Variants in TRIM41 observed in about 807,000 individuals in gnomAD.
The protein encoded by TRIM41 is tripartite motif containing 41, also known as E3 ubiquitin-protein ligase TRIM41.
Under a neutral mutation model 60.6 loss-of-function variants are expected in TRIM41, and 21 were observed. The observed-to-expected ratio is 0.35, with a 90% CI of 0.25 to 0.50. TRIM41 has a LOEUF of 0.50. TRIM41 is among the 20% of genes least tolerant of loss of function. The probability of loss-of-function intolerance (pLI) is 0.98; values close to 1 mark genes in which losing one functional copy is unlikely to be tolerated. For synonymous variants in TRIM41, 407 were observed against 344.9 expected (o/e 1.18, Z -2.00); for missense variants, 846 against 868.3 (o/e 0.97, Z 0.32).
chr5:181,229,814 A>G (rs937813770), intron 1 of TRIM41: 2 of 152,272 alleles, frequency 1.3e-5, no homozygotes, highest in Non-Finnish European at 2.9e-5. Context: ...GAGCTGTTTT[A>G]AAGGAAGAAT....
chr5:181,233,003 T>C lies in TRIM41; in HGVS notation c.1140+114T>C, dbSNP rs1424271334. On this transcript the variant is annotated intron_variant, in intron 3 of 5. Coordinates refer to ENST00000315073, the MANE Select transcript of TRIM41 (RefSeq NM_033549.5). This position sits in a 1 kb window ranked among gnomAD's most constrained non-coding sequence, Gnocchi z 4.1. ...TCTCCCTGGGAGGAACCCACAGTGATTGAACCTGAAGACCAAAAACATGTT... is the reference window on the plus strand; with the variant it reads ...TCTCCCTGGGAGGAACCCACAGTGACTGAACCTGAAGACCAAAAACATGTT... 2 of 1,102,026 alleles carry C rather than the reference T, an allele frequency of 1.8e-6. No individual in the cohort carries two copies. The highest frequency in any genetic ancestry group is 2.7e-5 in the South Asian group (2 of 74,802). 68.3% of individuals were successfully genotyped at this position (1,102,026 alleles called of 1,614,324 possible).
intron 1 of TRIM41, chr5:181,228,563 A>AAAAGAAAAAAAG (rs1758652117): frequency 6.8e-6 from 1 of 146,410 alleles, no homozygotes; most frequent in African/African-American, 2.5e-5. Context: ...CATCTCAAAA[A>AAAAGAAAAAAAG]AAAAAAAAAA....
rs35032551 is a variant in TRIM41 at position 181,233,259 on chromosome 5, G to C, written c.1141-154G>C. 1.7e-5 allele frequency: 14 copies of C among 836,322 alleles called. No individual in the cohort carries two copies. The Admixed American group carries it at 2.4e-4, about 14-fold the overall frequency. 51.8% of individuals were successfully genotyped at this position (836,322 alleles called of 1,614,324 possible). A position where few individuals can be genotyped will look rare whatever the true frequency, so the allele number is the denominator to read the frequency against. Reference sequence around the variant, plus strand: ...TGGCGAGGCATGGGGTGGTTGAAATGGATGTGTGTTCATTGAGGGCCGTGA... The same window carrying C: ...TGGCGAGGCATGGGGTGGTTGAAATCGATGTGTGTTCATTGAGGGCCGTGA... On this transcript the variant is annotated intron_variant, in intron 3 of 5. Transcript: ENST00000315073. This position sits in a 1 kb window ranked among gnomAD's most constrained non-coding sequence, Gnocchi z 4.1.
rs1759034897 is a variant in TRIM41 at position 181,235,078 on chromosome 5, G to A, written c.*303G>A. 6.2e-7 allele frequency: 1 copy of A among 1,610,028 alleles called. No homozygotes were observed. Among genetic ancestry groups the A allele is most frequent in the Admixed American group, 1.7e-5 (1 of 59,554 alleles). On this transcript the variant is annotated 3_prime_UTR_variant, in exon 6 of 6. Transcript: ENST00000315073. ...TAGCCCAGCCCTGGGACTGGAATTT[G>A]AGTAGGGGATGAGGGGAAATTGTAA...
intron 1 of TRIM41, chr5:181,225,393 A>C (rs1758503921): frequency 6.2e-6 from 1 of 162,588 alleles, no homozygotes. Context: ...TTGCATTGTC[A>C]AATCTTGATT....
rs755074419 is a variant in TRIM41, at chr5:181,234,483, G to A, written c.1601G>A (p.Arg534His). 1.5e-5 allele frequency: 24 copies of A among 1,613,366 alleles called. No individual in the cohort carries two copies. Among genetic ancestry groups the A allele is most frequent in the South Asian group, 8.8e-5 (8 of 91,046 alleles). The change falls in exon 6 of 6, where the codon CGC becomes CAC. Residue 534 changes from arginine (R) to histidine (H), a missense_variant. Physicochemically the swap from Arg to His is conservative, Grantham distance 29. Coordinates refer to ENST00000315073, the MANE Select transcript of TRIM41 (RefSeq NM_033549.5). The surrounding 1 kb of genome is among the most constrained non-coding windows in gnomAD (Gnocchi z 5.6). ...DASSSRHHHR[R>H]RRLHLPQQPL... Reference sequence around the variant, plus strand: ...AGCTCCTCGCGCCATCACCATCGCCGCCGCCGGCTCCACCTGCCCCAGCAG... The same window carrying A: ...AGCTCCTCGCGCCATCACCATCGCCACCGCCGGCTCCACCTGCCCCAGCAG...
At chr5:181,226,331 C>G (rs1339157189) in intron 1 of TRIM41, 1 of 152,188 alleles carries the variant, frequency 6.6e-6, no homozygotes, top group African/African-American at 2.4e-5. Flanking sequence ...TCTGAAATTC[C>G]TGACCTCAGG....
At position 181,233,495 on chromosome 5, in the gene TRIM41, C is replaced by G; in HGVS notation, c.1163+60C>G. On this transcript the variant is annotated intron_variant, in intron 4 of 5. Coordinates refer to ENST00000315073, the MANE Select transcript of TRIM41 (RefSeq NM_033549.5). This position sits in a 1 kb window ranked among gnomAD's most constrained non-coding sequence, Gnocchi z 4.1. ...GGCATCTGGTTCCCTGTCCCTGCTTCTCTTCGGTATCCCTCTCCTCTCCTT... is the reference window on the plus strand; with the variant it reads ...GGCATCTGGTTCCCTGTCCCTGCTTGTCTTCGGTATCCCTCTCCTCTCCTT... The G allele has an allele frequency of 1.9e-6, 3 of 1,613,976 alleles. No homozygotes were observed. In the South Asian group the frequency reaches 3.3e-5, roughly 18 times the overall value.
Position 181,223,660 on chromosome 5 carries a change from G to A in TRIM41, c.-340G>A. The stretch of plus-strand genomic sequence containing the variant: ...TGTAGACGCCGGAAGTGTTGGGAAG[G>A]AGGCCGGAAGCTAGGGGCGGGGCCA... On this transcript the variant is annotated 5_prime_UTR_variant, in exon 1 of 6. Coordinates refer to ENST00000315073, the MANE Select transcript of TRIM41 (RefSeq NM_033549.5). 1 of 480,780 alleles carries A rather than the reference G, an allele frequency of 2.1e-6. No homozygotes were observed. Among genetic ancestry groups the A allele is most frequent in the Non-Finnish European group, 3.7e-6 (1 of 272,978 alleles). 29.8% of individuals were successfully genotyped at this position (480,780 alleles called of 1,614,324 possible).
intron 1 of TRIM41, chr5:181,225,057 C>A (rs114432661): frequency 1.6e-5 from 9 of 577,786 alleles, no homozygotes; most frequent in African/African-American, 1.5e-4. Context: ...AGAGCAAAGC[C>A]GGTGATGCCA....
chr5:181,234,008 G>T lies in TRIM41; in HGVS notation c.1292-166G>T. On this transcript the variant is annotated intron_variant, in intron 5 of 5. Transcript: ENST00000315073. The surrounding 1 kb of genome is among the most constrained non-coding windows in gnomAD (Gnocchi z 5.6). ...GGGGAAGACCTGTCAGGTATCCTAG[G>T]AACAAGAGTGAGGAGCAAGATGAGC... 1 of 1,303,340 alleles carries T rather than the reference G, an allele frequency of 7.7e-7. No individual in the cohort carries two copies. Among genetic ancestry groups the T allele is most frequent in the African/African-American group, 1.4e-5 (1 of 69,258 alleles). 80.7% of individuals were successfully genotyped at this position (1,303,340 alleles called of 1,614,324 possible). A position where few individuals can be genotyped will look rare whatever the true frequency, so the allele number is the denominator to read the frequency against.
Position 181,235,032 on chromosome 5 carries a change from G to A in TRIM41, c.*257G>A. The A allele has an allele frequency of 6.2e-7, 1 of 1,613,978 alleles. No homozygotes were observed. Among genetic ancestry groups the A allele is most frequent in the Middle Eastern group, 1.6e-4 (1 of 6,062 alleles). Reference sequence around the variant, plus strand: ...TCCCTGATAATGAGAACAGCTGCCTGGTCTTCTCTCCCAGTCTGCCTAGCC... The same window carrying A: ...TCCCTGATAATGAGAACAGCTGCCTAGTCTTCTCTCCCAGTCTGCCTAGCC... On this transcript the variant is annotated 3_prime_UTR_variant, in exon 6 of 6. Coordinates refer to ENST00000315073, the MANE Select transcript of TRIM41 (RefSeq NM_033549.5).
In TRIM41 at chr5:181,224,206, G is replaced by A. The variant is rs1758430228; in HGVS notation, c.207G>A (p.Glu69=). Residue 69 remains glutamate, a synonymous_variant, in exon 1 of 6, where the codon GAG becomes GAA. Transcript: ENST00000315073. ...GGGAGGAGGAGGAGGAGGACGGAGA[G>A]GAGGAGGAAGTGGAGGCTGTGGGGG... The part of the protein sequence containing the change: ...LDREEEEEDG[E]EEEVEAVGAG... The A allele has an allele frequency of 1.2e-6, 2 of 1,613,654 alleles. No homozygotes were observed. Among genetic ancestry groups the A allele is most frequent in the African/African-American group, 1.3e-5 (1 of 74,870 alleles).
chr5:181,230,795 C>G lies in TRIM41; in HGVS notation c.865C>G (p.Gln289Glu). 6.2e-7 allele frequency: 1 copy of G among 1,613,280 alleles called. No homozygotes were observed. The highest frequency in any genetic ancestry group is 8.5e-7 in the Non-Finnish European group (1 of 1,179,510). ...EPLRKHLEAVQKMKAKEERRV... is the reference protein window; with the variant it reads ...EPLRKHLEAVEKMKAKEERRV... ...ACTGAGGAAGCACCTGGAGGCAGTG[C>G]AGAAGATGAAAGCCAAGGAGGAGAG... The change falls in exon 2 of 6, where the codon CAG (glutamine) becomes GAG (glutamate). Residue 289 changes from glutamine (Q) to glutamate (E), a missense_variant. Transcript: ENST00000315073.
rs1447108692 is a variant in TRIM41, at chr5:181,224,171, G to A, written c.172G>A (p.Glu58Lys). The A allele has an allele frequency of 6.2e-7, 1 of 1,614,118 alleles. No individual in the cohort carries two copies. The highest frequency in any genetic ancestry group is 8.5e-7 in the Non-Finnish European group (1 of 1,180,032). ...WGGEDEEDRDELDREEEEEDG... is the reference protein window; with the variant it reads ...WGGEDEEDRDKLDREEEEEDG... ...TGGGGAGGATGAGGAGGACAGAGAT[G>A]AGTTAGATCGGGAGGAGGAGGAGGA... is the stretch of plus-strand genomic sequence containing the variant. The change falls in exon 1 of 6, where the codon GAG becomes AAG. Residue 58 changes from glutamate (E) to lysine (K), a missense_variant. Transcript: ENST00000315073.
In TRIM41 at chr5:181,230,832, A is replaced by C. The variant is rs771336219; in HGVS notation, c.902A>C (p.Glu301Ala). The C allele has an allele frequency of 6.4e-5, 103 of 1,612,544 alleles. 1 individual carries two copies. In the South Asian group the frequency reaches 1.1e-3, roughly 17 times the overall value. ...GCCAAGGAGGAGAGGCGAGTGACAG[A>C]ACTGAAGGTGGGTGAATGTTCTCGA... The part of the protein sequence containing the change: ...MKAKEERRVT[E>A]LKSQMKSELA... Residue 301 changes from glutamate to alanine, a missense_variant, in exon 2 of 6, where the codon GAA (glutamate) becomes GCA (alanine). By Grantham distance (107) the Glu-to-Ala change is moderately radical. Transcript: ENST00000315073.
chr5:181,230,684 G>T, intron 1 of TRIM41, 60 bp from the exon 2 acceptor site: 7 of 1,409,866 alleles, frequency 5.0e-6, no homozygotes, highest in Non-Finnish European at 7.0e-6. Flanking sequence ...GATTGCAGAG[G>T]TAGGCTCTGA....
At position 181,233,880 on chromosome 5, in the gene TRIM41, G is replaced by T; in HGVS notation, c.1291+117G>T. 1 of 1,487,048 alleles carries T rather than the reference G, an allele frequency of 6.7e-7. No individual in the cohort carries two copies. The allele number at this position is 1,487,048 out of a possible 1,614,324, so 92.1% of individuals were successfully genotyped here. ...GGGGCTTGAGATGGAGCAGGATCCA[G>T]GCAGCCACTCTGAGGTTGAGGTTTC... is the stretch of plus-strand genomic sequence containing the variant. On this transcript the variant is annotated intron_variant, in intron 5 of 5. Transcript: ENST00000315073. This position sits in a 1 kb window ranked among gnomAD's most constrained non-coding sequence, Gnocchi z 4.1.
At position 181,223,600 on chromosome 5, in the gene TRIM41, A is replaced by C; in HGVS notation, c.-400A>C. 1 of 453,140 alleles carries C rather than the reference A, an allele frequency of 2.2e-6. No homozygotes were observed. 28.1% of individuals were successfully genotyped at this position (453,140 alleles called of 1,614,324 possible). A position where few individuals can be genotyped will look rare whatever the true frequency, so the allele number is the denominator to read the frequency against. ...CCCGCGGGGAAAAAGGGGGAGTAGCAGGACAGCGGAGGGAAGTCGCGAGCT... is the reference window on the plus strand; with the variant it reads ...CCCGCGGGGAAAAAGGGGGAGTAGCCGGACAGCGGAGGGAAGTCGCGAGCT... On this transcript the variant is annotated 5_prime_UTR_variant, in exon 1 of 6. Coordinates refer to ENST00000315073, the MANE Select transcript of TRIM41 (RefSeq NM_033549.5).
Sources: allele counts gnomAD v4.1 joint callset, GRCh38; gene constraint gnomAD v4.1.1; non-coding constraint Gnocchi (gnomAD v3.1); transcripts MANE v1.5; gene names NCBI Gene and HGNC (gene_info 2026-07-23, HGNC 2026-07-21).